RBM33: variants seen among roughly 807,000 people sequenced by gnomAD.
RBM33 encodes the protein RNA binding motif protein 33.
A neutral mutation model predicts 132.6 loss-of-function variants in RBM33; 28 were observed. That is an observed-to-expected ratio of 0.21 (90% CI 0.16 to 0.29). The LOEUF (loss-of-function observed/expected upper bound fraction) is 0.29. RBM33 is among the 10% of genes least tolerant of loss of function. The pLI is 1.00. For synonymous variants in RBM33, 634 were observed against 593.0 expected (o/e 1.07, Z -1.01); for missense variants, 1,291 against 1,518.5 (o/e 0.85, Z 2.49).
In RBM33 at chr7:155,670,723, C is replaced by G. The variant is rs570129755; in HGVS notation, c.123-2144C>G. On this transcript the variant is annotated intron_variant, in intron 2 of 17. Coordinates refer to ENST00000401878, the MANE Select transcript of RBM33 (RefSeq NM_053043.3). The stretch of plus-strand genomic sequence containing the variant: ...GTGCCTGGCACAGAAGTGCATTGAG[C>G]GGATGCTGTGGATCGCTGGGGCTGC... Among the ~76,000 whole-genome samples, 14 of 152,250 alleles carry G rather than the reference C, an allele frequency of 9.2e-5. No homozygotes were observed. In the South Asian group the frequency reaches 2.9e-3, roughly 32 times the overall value.
chr7:155,699,420 A>G (rs1224423839), intron 5 of RBM33, among the ~76,000 whole-genome samples: 1 of 152,222 alleles, frequency 6.6e-6, no homozygotes, highest in Non-Finnish European at 1.5e-5. Flanking sequence ...GGAGCGGAGA[A>G]TAGACGTCCT....
chr7:155,734,789 A>G (rs1348252783), intron 9 of RBM33, among the ~76,000 whole-genome samples: 1 of 152,070 alleles, frequency 6.6e-6, no homozygotes. Flanking sequence ...CAGAACCACC[A>G]TTGCCAATTT....
chr7:155,743,565 C>A (rs150622022), intron 13 of RBM33, among the ~76,000 whole-genome samples: 382 of 152,270 alleles, frequency 2.5e-3, no homozygotes, highest in Non-Finnish European at 4.3e-3. Flanking sequence ...TTTTCTCTCT[C>A]TATATAAAGG....
chr7:155,714,190 A>T (rs1385314954), intron 8 of RBM33, among the ~76,000 whole-genome samples: 3 of 152,174 alleles, frequency 2.0e-5, no homozygotes, highest in Admixed American at 2.0e-4. Context: ...ATCTGCGCAC[A>T]CTAGGTGTGG....
chr7:155,656,666 A>G (rs1342058115), intron 1 of RBM33, among the ~76,000 whole-genome samples: 1 of 152,244 alleles, frequency 6.6e-6, no homozygotes, highest in African/African-American at 2.4e-5. Context: ...GCTGTTTTCT[A>G]CAAAGTCAGA....
intron 5 of RBM33, among the ~76,000 whole-genome samples, chr7:155,684,649 G>A (rs1799422161): frequency 6.6e-6 from 1 of 152,144 alleles, no homozygotes; most frequent in East Asian, 1.9e-4. Context: ...GCTCTTCCGT[G>A]CTGTTGATTT....
At chr7:155,673,940 G>GTTGTTGTTTGTTGTTTTTTTTT in intron 3 of RBM33, among the ~76,000 whole-genome samples, 2 of 54,214 alleles carry the variant, frequency 3.7e-5, no homozygotes, top group African/African-American at 8.3e-5. Context: ...TTTAGGCTTA[G>GTTGTTGTTTGTTGTTTTTTTTT]TTTTTTTTTT....
chr7:155,745,118 A>G lies in RBM33; in HGVS notation c.2495A>G (p.Gln832Arg). 1 of 1,600,006 alleles carries G rather than the reference A, an allele frequency of 6.2e-7. No individual in the cohort carries two copies. Among genetic ancestry groups the G allele is most frequent in the African/African-American group, 1.3e-5 (1 of 74,794 alleles). Reference protein sequence around the residue: ...ELLERLAQQQQQLYAPPPPAE... With the variant: ...ELLERLAQQQRQLYAPPPPAE... ...CTGGAGAGACTCGCGCAGCAACAGCAGCAGCTGTACGCTCCCCCACCCCCA... is the reference window on the plus strand; with the variant it reads ...CTGGAGAGACTCGCGCAGCAACAGCGGCAGCTGTACGCTCCCCCACCCCCA... The change falls in exon 14 of 18, where the codon CAG (glutamine) becomes CGG (arginine). Residue 832 changes from glutamine (Q) to arginine (R), a missense_variant. By Grantham distance (43) the Gln-to-Arg change is conservative. Coordinates refer to ENST00000401878, the MANE Select transcript of RBM33 (RefSeq NM_053043.3). This position sits in a 1 kb window ranked among gnomAD's most constrained non-coding sequence, Gnocchi z 4.1.
At chr7:155,736,302 G>A (rs1233145384) in intron 9 of RBM33, among the ~76,000 whole-genome samples, 1 of 152,202 alleles carries the variant, frequency 6.6e-6, no homozygotes, top group Non-Finnish European at 1.5e-5. Context: ...GCAAGTGTGT[G>A]AGAAAGAAGA....
chr7:155,767,053 G>A (rs1370490227), intron 16 of RBM33, among the ~76,000 whole-genome samples: 1 of 152,164 alleles, frequency 6.6e-6, no homozygotes, highest in Non-Finnish European at 1.5e-5. Context: ...ATAGCTTCAT[G>A]TGCTAAATAG....
intron 11 of RBM33, 140 bp downstream of exon 11, chr7:155,738,543 T>A: frequency 2.4e-6 from 2 of 848,240 alleles, no homozygotes; most frequent in South Asian, 1.9e-5. Context: ...ATGTACTGTT[T>A]GTTAAAGACA....
At chr7:155,752,362 TTGTAC>T (rs1246925836) in intron 14 of RBM33, among the ~76,000 whole-genome samples, 71 of 152,344 alleles carry the variant, frequency 4.7e-4, no homozygotes, top group African/African-American at 1.4e-3. Flanking sequence ...GATACTGCTT[TTGTAC>T]TGTATTTTTT....
chr7:155,673,231 AT>A (rs1313977436), intron 3 of RBM33, among the ~76,000 whole-genome samples: 2 of 152,120 alleles, frequency 1.3e-5, no homozygotes, highest in African/African-American at 2.4e-5. Context: ...GGAGGTGAAT[AT>A]TTTGCATACT....
At position 155,738,121 on chromosome 7, in the gene RBM33, A is replaced by C; in HGVS notation, c.1455A>C (p.Pro485=). The stretch of plus-strand genomic sequence containing the variant: ...TGGAACAGCGAAGTCCCCCTCCACC[A>C]CCACCGCCTCCTACCCTTCTTAACA... The part of the protein sequence containing the change: ...LFLEQRSPPP[P]PPPPTLLNSS... The change falls in exon 11 of 18, where the codon CCA becomes CCC. Residue 485 remains proline (P), a synonymous_variant. Transcript: ENST00000401878. 6.2e-7 allele frequency: 1 copy of C among 1,613,804 alleles called. No individual in the cohort carries two copies. Among genetic ancestry groups the C allele is most frequent in the Non-Finnish European group, 8.5e-7 (1 of 1,179,840 alleles).
intron 5 of RBM33, among the ~76,000 whole-genome samples, chr7:155,699,168 A>G (rs1563149542): frequency 6.6e-6 from 1 of 152,304 alleles, no homozygotes; most frequent in East Asian, 1.9e-4. Flanking sequence ...TAATAGTTGA[A>G]TTGAAGATGA....
In RBM33 at chr7:155,777,971, T is replaced by G. The variant is rs1802676202; in HGVS notation, c.*2930T>G. On this transcript the variant is annotated 3_prime_UTR_variant, in exon 18 of 18. Transcript: ENST00000401878. The stretch of plus-strand genomic sequence containing the variant: ...TCTTTTTGCATTATCTTGTTTTGGT[T>G]TTGTGCTGTAATAGAAGTTCACTTA... The G allele has an allele frequency of 6.5e-6, 1 of 152,694 alleles. No individual in the cohort carries two copies. Among genetic ancestry groups the G allele is most frequent in the Admixed American group, 6.5e-5 (1 of 15,284 alleles). 9.5% of individuals were successfully genotyped at this position (152,694 alleles called of 1,614,324 possible). A position where few individuals can be genotyped will look rare whatever the true frequency, so the allele number is the denominator to read the frequency against.
In RBM33 at chr7:155,644,689, AGTTT is replaced by A; in HGVS notation, c.-184_-181del. On this transcript the variant is annotated 5_prime_UTR_variant, in exon 1 of 18. Transcript: ENST00000401878. ...CGCGGGCGCGCGGCCATGTTGCGGT[AGTTT>A]GTTGTTTTCTTCCTGCGGAGGCGAA... The A allele has an allele frequency of 6.8e-6, 3 of 442,888 alleles. No homozygotes were observed. Among genetic ancestry groups the A allele is most frequent in the Non-Finnish European group, 1.2e-5 (3 of 251,422 alleles). The allele number at this position is 442,888 out of a possible 1,614,324, so 27.4% of individuals were successfully genotyped here.
At chr7:155,711,974 A>G (rs1173243542) in intron 8 of RBM33, among the ~76,000 whole-genome samples, 1 of 152,216 alleles carries the variant, frequency 6.6e-6, no homozygotes, top group Admixed American at 6.5e-5. Context: ...GCTCTTCCCC[A>G]TTCATTTAGA....
At chr7:155,671,180 C>G (rs1234227774) in intron 2 of RBM33, among the ~76,000 whole-genome samples, 2 of 152,166 alleles carry the variant, frequency 1.3e-5, no homozygotes, top group African/African-American at 4.8e-5. Context: ...ATTGTTTTCT[C>G]CCTGCCTCTG....
Sources: gnomAD v4.1 joint callset for allele counts (sites outside exome capture counted in the v4.1 genomes callset) on GRCh38, gnomAD v4.1.1 for gene constraint, Gnocchi (gnomAD v3.1) non-coding constraint, MANE v1.5 for transcripts, NCBI Gene and HGNC (gene_info 2026-07-23, HGNC 2026-07-21) for gene names.